The following SF3A3 variants were observed in gnomAD, a reference collection of about 807,000 sequenced individuals.
SF3A3 encodes splicing factor 3a subunit 3, also known as SAP 61.
In SF3A3, 9 loss-of-function variants were observed where a neutral mutation model predicts 85.8. That is an observed-to-expected ratio of 0.10 (90% CI 0.06 to 0.18). The LOEUF (loss-of-function observed/expected upper bound fraction) is 0.18, where lower values mean the gene tolerates loss of function less well. Among genes scored for constraint, SF3A3 ranks in the 10% least tolerant of loss-of-function variants. The pLI is 1.00. For missense variants in SF3A3, 306 were observed against 593.3 expected, an observed-to-expected ratio of 0.52 and a Z score of 5.03; for synonymous variants, 195 against 204.4, an observed-to-expected ratio of 0.95 and a Z score of 0.39.
At chr1:37,987,748 G>T (rs1328914692) in intron 3 of SF3A3, 36 bp downstream of exon 3, 3 of 1,603,870 alleles carry the variant, frequency 1.9e-6, no homozygotes, top group African/African-American at 2.7e-5. Context: ...CTCCTCAGAA[G>T]CACTAACTCC....
At chr1:37,969,329 G>A (rs1319175146) in intron 14 of SF3A3, 25 bp downstream of exon 14, 1 of 1,547,620 alleles carries the variant, frequency 6.5e-7, no homozygotes, top group Non-Finnish European at 8.9e-7. Flanking sequence ...TCAATTCCCA[G>A]GAAAAATGGC....
At chr1:37,966,140 T>C (rs188644922) in intron 15 of SF3A3, among the ~76,000 whole-genome samples, 1,953 of 151,694 alleles carry the variant, frequency 0.013, 22 homozygotes, top group Non-Finnish European at 0.02. Context: ...GAGGTGGAGG[T>C]TGCAGTGAGC....
At chr1:37,986,295 A>G (rs1646456405) in intron 4 of SF3A3, among the ~76,000 whole-genome samples, 2 of 151,964 alleles carry the variant, frequency 1.3e-5, no homozygotes, top group South Asian at 4.2e-4. Flanking sequence ...CTACTTCCCC[A>G]TTACCCATCT....
intron 5 of SF3A3, among the ~76,000 whole-genome samples, 156 bp from the exon 6 acceptor site, chr1:37,984,416 G>A (rs1220169668): frequency 6.6e-6 from 1 of 152,220 alleles, no homozygotes; most frequent in Non-Finnish European, 1.5e-5. Context: ...AGTTAAGTGA[G>A]ATCAAAAGTG....
chr1:37,981,764 G>A lies in SF3A3; in HGVS notation c.516C>T (p.Asp172=). ...CTGCATTCTTCCTTTCTTTAGGAAT[G>A]TCAAATAATTGGTCAAAGATGGACA... ...TYLSIFDQLF[D]IPKERKNAEY... Residue 172 remains aspartate, a synonymous_variant, in exon 7 of 17, where the codon GAC becomes GAT. Coordinates refer to ENST00000373019, the MANE Select transcript of SF3A3 (RefSeq NM_006802.4). 1.9e-6 allele frequency: 3 copies of A among 1,595,958 alleles called. No homozygotes were observed. The highest frequency in any genetic ancestry group is 2.6e-6 in the Non-Finnish European group (3 of 1,164,962).
At position 37,979,454 on chromosome 1, in the gene SF3A3, A is replaced by G. The variant is rs1238538786; in HGVS notation, c.759+11T>C. On this transcript the variant is annotated intron_variant, in intron 9 of 16. Coordinates refer to ENST00000373019, the MANE Select transcript of SF3A3 (RefSeq NM_006802.4). ...ACAGAGAGAACACTACTACTGCTGAAGGAAACATACCTCCCAGGAGGAGAA... is the reference window on the plus strand; with the variant it reads ...ACAGAGAGAACACTACTACTGCTGAGGGAAACATACCTCCCAGGAGGAGAA... 2 of 1,604,708 alleles carry G rather than the reference A, an allele frequency of 1.2e-6. No homozygotes were observed. The highest frequency in any genetic ancestry group is 1.7e-6 in the Non-Finnish European group (2 of 1,171,656).
In SF3A3 at chr1:37,989,548, A is replaced by G. The variant is rs757418729; in HGVS notation, c.144T>C (p.Asp48=). Reference sequence around the variant, plus strand: ...GAGAGGCAGACAGCTGGGCACTCACATCTTGCATGGCCCGAGTGCGGTGAT... The same window carrying G: ...GAGAGGCAGACAGCTGGGCACTCACGTCTTGCATGGCCCGAGTGCGGTGAT... ...NSDHRTRAMQ[D]RYMEVSGNLR... is the part of the protein sequence containing the mutation. The change falls in exon 2 of 17, where the codon GAT becomes GAC. Residue 48 remains aspartate, a splice_region_variant and synonymous_variant. Transcript: ENST00000373019. 27 of 1,613,590 alleles carry G rather than the reference A, an allele frequency of 1.7e-5. No homozygotes were observed. Among genetic ancestry groups the G allele is most frequent in the Non-Finnish European group, 2.1e-5 (25 of 1,179,930 alleles).
At chr1:37,963,246 T>C (rs1646274352) in intron 15 of SF3A3, among the ~76,000 whole-genome samples, 1 of 151,978 alleles carries the variant, frequency 6.6e-6, no homozygotes, top group African/African-American at 2.4e-5. Context: ...GCCCAAGAGG[T>C]AGAGGCTGCA....
Position 37,984,791 on chromosome 1 carries a change from A to C in SF3A3, c.304-12T>G. 6.2e-7 allele frequency: 1 copy of C among 1,610,576 alleles called. No individual in the cohort carries two copies. Among genetic ancestry groups the C allele is most frequent in the Non-Finnish European group, 8.5e-7 (1 of 1,176,838 alleles). On this transcript the variant is annotated splice_polypyrimidine_tract_variant and intron_variant, in intron 4 of 16. Transcript: ENST00000373019. ...ATTGGCACACAGATCTGAGGGGAAA[A>C]GTAAAAGCTCAGGTGGATTTTTCTT...
intron 4 of SF3A3, among the ~76,000 whole-genome samples, chr1:37,985,242 C>T (rs1033798023): frequency 3.3e-5 from 5 of 152,196 alleles, no homozygotes; most frequent in African/African-American, 1.2e-4. Flanking sequence ...CCTTGTTTTT[C>T]CCCGCTTTTT....
chr1:37,969,547 G>C, intron 13 of SF3A3, 24 bp downstream of exon 13: 2 of 1,614,220 alleles, frequency 1.2e-6, no homozygotes, highest in Non-Finnish European at 1.7e-6. Context: ...GGAATGGGGA[G>C]AAAGTGGTAG....
intron 2 of SF3A3, 80 bp from the exon 3 acceptor site, chr1:37,987,916 T>C: frequency 8.3e-7 from 1 of 1,201,816 alleles, no homozygotes; most frequent in Non-Finnish European, 1.2e-6. Flanking sequence ...GGTTCTCCAG[T>C]CAAAGCCCAG....
chr1:37,984,189 T>G lies in SF3A3; in HGVS notation c.448A>C (p.Ile150Leu). Residue 150 changes from isoleucine to leucine, a missense_variant, in exon 6 of 17, where the codon ATT (isoleucine) becomes CTT (leucine). Transcript: ENST00000373019. ...LDLHDCYLKY[I>L]NLKASEKLDY... ...CTTACCTCAGATGCCTTCAGGTTAA[T>G]GTACTTGAGGTAACAGTCATGGAGA... The G allele has an allele frequency of 1.2e-6, 2 of 1,605,614 alleles. No individual in the cohort carries two copies. Among genetic ancestry groups the G allele is most frequent in the Non-Finnish European group, 1.7e-6 (2 of 1,173,484 alleles).
intron 9 of SF3A3, 155 bp from the exon 10 acceptor site, chr1:37,979,210 C>A (rs1646400570): frequency 1.5e-6 from 1 of 655,998 alleles, no homozygotes; most frequent in African/African-American, 1.8e-5. Flanking sequence ...AGGACTGAAT[C>A]TATAGTTATC....
At chr1:37,989,444 C>T (rs1646479395) in intron 2 of SF3A3, 104 bp downstream of exon 2, 1 of 1,264,836 alleles carries the variant, frequency 7.9e-7, no homozygotes, top group Non-Finnish European at 1.1e-6. Context: ...CTGGCCAATC[C>T]GGTTACCTTT....
chr1:37,967,450 C>CGG (rs1460909436), intron 15 of SF3A3, among the ~76,000 whole-genome samples: 1 of 151,458 alleles, frequency 6.6e-6, no homozygotes, highest in Non-Finnish European at 1.5e-5. Flanking sequence ...GAGGCCAAGG[C>CGG]GGGCGGATCA....
Position 37,958,163 on chromosome 1 carries a change from A to G in SF3A3, c.*23T>C. On this transcript the variant is annotated 3_prime_UTR_variant, in exon 17 of 17. Coordinates refer to ENST00000373019, the MANE Select transcript of SF3A3 (RefSeq NM_006802.4). The stretch of plus-strand genomic sequence containing the variant: ...CTTAGGGAAGCCTGGGCTAGCCCAA[A>G]AGCTGAGCTACATCCCTGAACACTA... 6.6e-7 allele frequency: 1 copy of G among 1,522,398 alleles called. No homozygotes were observed. Among genetic ancestry groups the G allele is most frequent in the South Asian group, 1.1e-5 (1 of 89,294 alleles). The allele number at this position is 1,522,398 out of a possible 1,614,324, so 94.3% of individuals were successfully genotyped here.
chr1:37,976,481 A>G (rs1361034694), intron 12 of SF3A3, among the ~76,000 whole-genome samples: 1 of 152,204 alleles, frequency 6.6e-6, no homozygotes, highest in Non-Finnish European at 1.5e-5. Flanking sequence ...GTTGACTTAC[A>G]TGAGATGACT....
chr1:37,987,962 A>G, intron 2 of SF3A3, 126 bp from the exon 3 acceptor site: 2 of 788,088 alleles, frequency 2.5e-6, no homozygotes, highest in Non-Finnish European at 4.5e-6. Context: ...AGATAGTCTT[A>G]ACAGTTCTGT....
Sources: allele counts gnomAD v4.1 joint callset (sites outside exome capture counted in the v4.1 genomes callset), GRCh38; gene constraint gnomAD v4.1.1; transcripts MANE v1.5; gene names NCBI Gene and HGNC (gene_info 2026-07-23, HGNC 2026-07-21).